TACR1: variants seen among roughly 807,000 people sequenced by gnomAD.
The protein encoded by TACR1 is substance-P receptor.
Under a neutral mutation model 35.8 loss-of-function variants are expected in TACR1, and 25 were observed. The observed-to-expected ratio is 0.70, with a 90% CI of 0.51 to 0.98. The LOEUF (loss-of-function observed/expected upper bound fraction) is 0.98. TACR1 is among the 50% of genes least tolerant of loss of function. The probability of loss-of-function intolerance (pLI) is 0.00; values close to 1 mark genes in which losing one functional copy is unlikely to be tolerated. For synonymous variants in TACR1, 195 were observed against 206.7 expected (o/e 0.94, Z 0.48); for missense variants, 478 against 522.9 (o/e 0.91, Z 0.84).
chr2:75,095,515 A>G (rs890476811), intron 2 of TACR1, among the ~76,000 whole-genome samples: 1 of 152,144 alleles, frequency 6.6e-6, no homozygotes, highest in Non-Finnish European at 1.5e-5. Context: ...AGAGGGAAGA[A>G]AGCAGGGGCT....
At chr2:75,154,968 C>G (rs189282648) in intron 1 of TACR1, among the ~76,000 whole-genome samples, 8 of 152,306 alleles carry the variant, frequency 5.3e-5, no homozygotes, top group African/African-American at 1.9e-4. Context: ...TGTGCTCTGC[C>G]TCTCTCCTTT....
At chr2:75,122,470 T>C (rs964259093) in intron 1 of TACR1, among the ~76,000 whole-genome samples, 13 of 152,186 alleles carry the variant, frequency 8.5e-5, no homozygotes, top group Non-Finnish European at 4.4e-5. Context: ...TGAAGGTGTT[T>C]AGTGTATAGA....
At chr2:75,154,520 ACACACACT>A (rs1558572645) in intron 1 of TACR1, 12 of 145,916 alleles carry the variant, frequency 8.2e-5, no homozygotes, top group South Asian at 2.3e-4. Context: ...ACACACACAC[ACACACACT>A]CTCTGAAGAA....
chr2:75,113,122 A>G (rs888406932), intron 2 of TACR1, among the ~76,000 whole-genome samples: 1 of 152,178 alleles, frequency 6.6e-6, no homozygotes, highest in African/African-American at 2.4e-5. Flanking sequence ...CCTTTTGTAA[A>G]TGTAATTTTT....
intron 2 of TACR1, chr2:75,090,704 C>T (rs1673291815): frequency 6.5e-6 from 1 of 153,994 alleles, no homozygotes; most frequent in South Asian, 2.0e-4. Context: ...TCTCTTACAC[C>T]TTTTGAGAAT....
chr2:75,072,038 A>G (rs1255287201), intron 2 of TACR1, among the ~76,000 whole-genome samples: 1 of 152,154 alleles, frequency 6.6e-6, no homozygotes, highest in African/African-American at 2.4e-5. Flanking sequence ...CTAAGGAGGG[A>G]CTGGAGGAGT....
chr2:75,180,727 G>C (rs761842082), intron 1 of TACR1, among the ~76,000 whole-genome samples: 1 of 152,150 alleles, frequency 6.6e-6, no homozygotes, highest in African/African-American at 2.4e-5. Flanking sequence ...GCATGTGAGT[G>C]AGCCCAGACA....
intron 1 of TACR1, chr2:75,154,513 C>G (rs1247813138): frequency 6.9e-6 from 1 of 145,190 alleles, no homozygotes; most frequent in Non-Finnish European, 1.5e-5. Context: ...CACACACACA[C>G]ACACACACAC....
intron 1 of TACR1, among the ~76,000 whole-genome samples, chr2:75,194,837 T>G (rs994630489): frequency 2.6e-5 from 4 of 152,208 alleles, no homozygotes; most frequent in Non-Finnish European, 5.9e-5. Flanking sequence ...ACCAGGCCAG[T>G]GCTTGTCTGG....
chr2:75,098,299 A>G (rs1203753011), intron 2 of TACR1, among the ~76,000 whole-genome samples: 1 of 152,156 alleles, frequency 6.6e-6, no homozygotes, highest in Non-Finnish European at 1.5e-5. Context: ...TTACCCAAAC[A>G]TAACATGAGC....
At chr2:75,173,112 C>T (rs1675330764) in intron 1 of TACR1, among the ~76,000 whole-genome samples, 1 of 152,112 alleles carries the variant, frequency 6.6e-6, no homozygotes, top group African/African-American at 2.4e-5. Context: ...CAACCCATAA[C>T]AGTGCTGGCA....
intron 2 of TACR1, among the ~76,000 whole-genome samples, chr2:75,117,334 G>A (rs959775133): frequency 6.6e-6 from 1 of 152,216 alleles, no homozygotes; most frequent in Non-Finnish European, 1.5e-5. Context: ...CAGCCAGAAG[G>A]CAGGTGCAGC....
chr2:75,162,349 T>C (rs1046428354), intron 1 of TACR1, among the ~76,000 whole-genome samples: 2 of 152,200 alleles, frequency 1.3e-5, no homozygotes, highest in African/African-American at 4.8e-5. Context: ...GCAGAATCTT[T>C]AAAAAATGTG....
At chr2:75,150,426 T>A (rs951529699) in intron 1 of TACR1, among the ~76,000 whole-genome samples, 1 of 152,202 alleles carries the variant, frequency 6.6e-6, no homozygotes, top group Non-Finnish European at 1.5e-5. Flanking sequence ...GGGGCCTGTC[T>A]TTCCCATGCT....
At chr2:75,069,029 A>G (rs995145270) in intron 2 of TACR1, among the ~76,000 whole-genome samples, 1 of 152,172 alleles carries the variant, frequency 6.6e-6, no homozygotes, top group Non-Finnish European at 1.5e-5. Flanking sequence ...TAATTGAATC[A>G]TGGGGGTGAG....
At chr2:75,154,258 C>T (rs1674746554) in intron 1 of TACR1, 1 of 152,062 alleles carries the variant, frequency 6.6e-6, no homozygotes, top group African/African-American at 2.4e-5. Flanking sequence ...TCCCAAACAA[C>T]AAACAGCTCC....
At chr2:75,090,147 T>A (rs551254121) in intron 2 of TACR1, among the ~76,000 whole-genome samples, 437 of 152,348 alleles carry the variant, frequency 2.9e-3, no homozygotes, top group African/African-American at 1.0e-2. Flanking sequence ...TTCCCTGCTG[T>A]GCCCTCCCCT....
intron 1 of TACR1, among the ~76,000 whole-genome samples, chr2:75,193,250 A>G (rs1255337448): frequency 1.3e-5 from 2 of 152,336 alleles, no homozygotes; most frequent in East Asian, 1.9e-4. Context: ...CTGAGACACA[A>G]TGGCAAAGGC....
intron 1 of TACR1, among the ~76,000 whole-genome samples, chr2:75,123,877 A>G (rs182098549): frequency 3.3e-5 from 5 of 152,318 alleles, no homozygotes; most frequent in Admixed American, 1.3e-4. Context: ...ATTCATTAAC[A>G]TACATTTATA....
Sources: gnomAD v4.1 joint callset for allele counts (sites outside exome capture counted in the v4.1 genomes callset) on GRCh38, gnomAD v4.1.1 for gene constraint, MANE v1.5 for transcripts, NCBI Gene and HGNC (gene_info 2026-07-23, HGNC 2026-07-21) for gene names.